The following GOLT1B variants were observed in gnomAD, a reference collection of about 807,000 sequenced individuals.
GOLT1B encodes the protein vesicle transport protein GOT1B.
A neutral mutation model predicts 15.4 loss-of-function variants in GOLT1B; 3 were observed. The ratio of observed to expected loss-of-function variants is 0.19; its 90% CI spans 0.09 to 0.50. The LOEUF is 0.50. Ranked by LOEUF, GOLT1B falls within the 20% of genes least tolerant of loss-of-function variation. The pLI is 0.97. For synonymous variants in GOLT1B, 65 were observed against 56.2 expected (o/e 1.16, Z -0.70); for missense variants, 145 against 160.4 (o/e 0.90, Z 0.52).
At chr12:21,511,579 G>A (rs940128702) in intron 3 of GOLT1B, among the ~76,000 whole-genome samples, 3 of 152,148 alleles carry the variant, frequency 2.0e-5, no homozygotes, top group Admixed American at 1.3e-4. Flanking sequence ...CCATCCTGAA[G>A]CTGCCTAGGG....
intron 1 of GOLT1B, chr12:21,504,685 G>A: frequency 2.2e-6 from 1 of 459,814 alleles, no homozygotes; most frequent in Non-Finnish European, 4.4e-6. Flanking sequence ...TTGCACATAT[G>A]AACCATAGGA....
Position 21,506,898 on chromosome 12 carries a change from A to C in GOLT1B, c.39A>C (p.Gly13=), listed in dbSNP as rs202054086. 1 of 1,447,900 alleles carries C rather than the reference A, an allele frequency of 6.9e-7. No homozygotes were observed. The highest frequency in any genetic ancestry group is 9.7e-7 in the Non-Finnish European group (1 of 1,031,562). The allele number at this position is 1,447,900 out of a possible 1,614,324, so 89.7% of individuals were successfully genotyped here. ...SLTDTQKIGM[G]LTGFGVFFLF... The stretch of plus-strand genomic sequence containing the variant: ...CTTATATTGCAGAAATTGGAATGGG[A>C]TTAACAGGATTTGGAGTGTTTTTCC... Residue 13 remains glycine, a synonymous_variant, in exon 2 of 5, where the codon GGA becomes GGC. Coordinates refer to ENST00000229314, the MANE Select transcript of GOLT1B (RefSeq NM_016072.5).
rs751933426 is a variant in GOLT1B, at chr12:21,515,691, G to A, written c.401G>A (p.Ser134Asn). ...CAGTTTGTAGATAAAGTTGGAGAAA[G>A]CAACAATATGGTATAACAACAAGTG... ...IRSFVDKVGE[S>N]NNMV The change falls in exon 5 of 5, where the codon AGC becomes AAC. Residue 134 changes from serine (S) to asparagine (N), a missense_variant. Coordinates refer to ENST00000229314, the MANE Select transcript of GOLT1B (RefSeq NM_016072.5). 2.2e-6 allele frequency: 3 copies of A among 1,369,450 alleles called. No homozygotes were observed. Among genetic ancestry groups the A allele is most frequent in the Non-Finnish European group, 3.1e-6 (3 of 968,358 alleles). 84.8% of individuals were successfully genotyped at this position (1,369,450 alleles called of 1,614,324 possible). A position where few individuals can be genotyped will look rare whatever the true frequency, so the allele number is the denominator to read the frequency against.
rs1176281836 is a variant in GOLT1B, at chr12:21,516,425, C to T, written c.*718C>T. The T allele has an allele frequency of 1.3e-5, 2 of 152,014 alleles. No homozygotes were observed. Among genetic ancestry groups the T allele is most frequent in the Non-Finnish European group, 2.9e-5 (2 of 67,930 alleles). 9.4% of individuals were successfully genotyped at this position (152,014 alleles called of 1,614,324 possible). A position where few individuals can be genotyped will look rare whatever the true frequency, so the allele number is the denominator to read the frequency against. ...CTCATACTTCTTGGGAGTCTGCCCT[C>T]CTAAGTATCTGTCTATATCATTCAT... On this transcript the variant is annotated 3_prime_UTR_variant, in exon 5 of 5. Coordinates refer to ENST00000229314, the MANE Select transcript of GOLT1B (RefSeq NM_016072.5).
intron 3 of GOLT1B, among the ~76,000 whole-genome samples, chr12:21,511,537 A>G (rs1162690472): frequency 1.3e-5 from 2 of 152,148 alleles, no homozygotes; most frequent in African/African-American, 4.8e-5. Context: ...CCAGCCCTCT[A>G]ATCTTGCCTT....
chr12:21,505,176 A>G (rs2136803140), intron 1 of GOLT1B, among the ~76,000 whole-genome samples: 1 of 152,302 alleles, frequency 6.6e-6, no homozygotes, highest in Non-Finnish European at 1.5e-5. Context: ...CATAAGGCCT[A>G]ATTCGTGGTA....
intron 1 of GOLT1B, among the ~76,000 whole-genome samples, chr12:21,504,849 A>C (rs1201601171): frequency 6.6e-6 from 1 of 152,230 alleles, no homozygotes; most frequent in African/African-American, 2.4e-5. Context: ...TAACAAGCTA[A>C]TATTAAACTT....
chr12:21,512,970 G>T (rs1468000219), intron 4 of GOLT1B, among the ~76,000 whole-genome samples: 2 of 151,592 alleles, frequency 1.3e-5, no homozygotes, highest in African/African-American at 4.9e-5. Flanking sequence ...AGAGACTGAG[G>T]TGAGAGGATT....
At chr12:21,514,355 C>G (rs1442418087) in intron 4 of GOLT1B, among the ~76,000 whole-genome samples, 2 of 152,146 alleles carry the variant, frequency 1.3e-5, no homozygotes, top group African/African-American at 4.8e-5. Context: ...TTATTGAATG[C>G]TCAAAGAGCT....
intron 4 of GOLT1B, among the ~76,000 whole-genome samples, chr12:21,513,711 T>C (rs1943736462): frequency 6.6e-6 from 1 of 152,034 alleles, no homozygotes; most frequent in Non-Finnish European, 1.5e-5. Flanking sequence ...GTGGAAGGAT[T>C]GCTTGAACCA....
intron 2 of GOLT1B, 135 bp downstream of exon 2, chr12:21,507,111 C>T: frequency 1.5e-6 from 1 of 669,972 alleles, no homozygotes; most frequent in Non-Finnish European, 2.7e-6. Flanking sequence ...TCTCTATTTC[C>T]ATCAGGAATG....
chr12:21,511,797 G>A (rs1943721898), intron 3 of GOLT1B, among the ~76,000 whole-genome samples: 1 of 152,182 alleles, frequency 6.6e-6, no homozygotes, highest in African/African-American at 2.4e-5. Flanking sequence ...CTATACTGAG[G>A]TAGCTTAACT....
intron 4 of GOLT1B, 105 bp from the exon 5 acceptor site, chr12:21,515,564 T>A: frequency 1.4e-6 from 1 of 695,910 alleles, no homozygotes; most frequent in Non-Finnish European, 2.5e-6. Context: ...TTTCCACAAC[T>A]CTTCTTGTAA....
intron 3 of GOLT1B, among the ~76,000 whole-genome samples, chr12:21,509,526 G>T (rs573410818): frequency 6.6e-6 from 1 of 151,206 alleles, no homozygotes; most frequent in Non-Finnish European, 1.5e-5. Flanking sequence ...ACCCACAGGA[G>T]ACATAAAAAT....
intron 1 of GOLT1B, 66 bp from the exon 2 acceptor site, chr12:21,506,819 A>G (rs2136804272): frequency 1.5e-6 from 1 of 663,386 alleles, no homozygotes; most frequent in Non-Finnish European, 2.7e-6. Flanking sequence ...AAATTTTCTT[A>G]GTTTACAGGG....
chr12:21,515,324 G>A lies in GOLT1B; in HGVS notation c.379-345G>A, dbSNP rs199986444. ...TAATGCATGAATGGCTGACATTTCA[G>A]TTTTTTTTATGTTTTTATTTTTTAT... On this transcript the variant is annotated intron_variant, in intron 4 of 4. Transcript: ENST00000229314. 20 of 844,186 alleles carry A rather than the reference G, an allele frequency of 2.4e-5. No individual in the cohort carries two copies. The East Asian group carries it at 5.4e-4, about 23-fold the overall frequency. The allele number at this position is 844,186 out of a possible 1,614,324, so 52.3% of individuals were successfully genotyped here. A position where few individuals can be genotyped will look rare whatever the true frequency, so the allele number is the denominator to read the frequency against.
rs186860602 is a variant in GOLT1B, at chr12:21,501,800, C to T, written c.-124C>T. ...GCTCTTAAAGCGGCAGTGAGGGTGG[C>T]TGCGTGTTTCCGGAAGACGTGGCGG... On this transcript the variant is annotated 5_prime_UTR_variant, in exon 1 of 5. Transcript: ENST00000229314. 1 of 716,302 alleles carries T rather than the reference C, an allele frequency of 1.4e-6. No individual in the cohort carries two copies. Among genetic ancestry groups the T allele is most frequent in the Non-Finnish European group, 2.6e-6 (1 of 391,008 alleles). The allele number at this position is 716,302 out of a possible 1,614,324, so 44.4% of individuals were successfully genotyped here.
chr12:21,501,988 C>A, intron 1 of GOLT1B, 40 bp downstream of exon 1: 1 of 1,487,852 alleles, frequency 6.7e-7, no homozygotes, highest in Non-Finnish European at 9.4e-7. Flanking sequence ...GAGCCGCGCA[C>A]ACCCATCGCC....
chr12:21,513,583 G>C (rs1259582696), intron 4 of GOLT1B, among the ~76,000 whole-genome samples: 1 of 151,744 alleles, frequency 6.6e-6, no homozygotes, highest in Non-Finnish European at 1.5e-5. Flanking sequence ...AAAGTGCTGG[G>C]ATTACAGGTG....
Sources: gnomAD v4.1 joint callset for allele counts (sites outside exome capture counted in the v4.1 genomes callset) on GRCh38, gnomAD v4.1.1 for gene constraint, MANE v1.5 for transcripts, NCBI Gene and HGNC (gene_info 2026-07-23, HGNC 2026-07-21) for gene names.